Variants in EXPH5 observed in about 807,000 individuals in gnomAD.
EXPH5 encodes exophilin-5.
Under a neutral mutation model 41.1 loss-of-function variants are expected in EXPH5, and 42 were observed. That is an observed-to-expected ratio of 1.02 (90% CI 0.80 to 1.32). The LOEUF (loss-of-function observed/expected upper bound fraction) is 1.32. Ranked by LOEUF, EXPH5 falls within the 40% of genes most tolerant of loss-of-function variation. EXPH5 has a pLI of 0.00. For missense variants in EXPH5, 2,298 were observed against 2,314.5 expected (o/e 0.99, Z 0.15); for synonymous variants, 798 against 833.5 (o/e 0.96, Z 0.73).
intron 1 of EXPH5, chr11:108,568,011 A>G (rs2094042044): frequency 6.6e-6 from 1 of 152,208 alleles, no homozygotes; most frequent in African/African-American, 2.4e-5. Flanking sequence ...ACAGTGCCCT[A>G]TCCTGGTGGG....
At chr11:108,530,878 A>T (rs2093833329) in intron 3 of EXPH5, among the ~76,000 whole-genome samples, 1 of 152,176 alleles carries the variant, frequency 6.6e-6, no homozygotes, top group South Asian at 2.1e-4. Flanking sequence ...ACTTGGGTAG[A>T]AGAGTATAGG....
intron 1 of EXPH5, among the ~76,000 whole-genome samples, chr11:108,544,319 A>T (rs1049066001): frequency 1.3e-5 from 2 of 152,114 alleles, no homozygotes; most frequent in Non-Finnish European, 2.9e-5. Context: ...CCTCCCCAGT[A>T]GCTGGGACCA....
intron 3 of EXPH5, chr11:108,538,339 C>G: frequency 1.5e-6 from 1 of 666,374 alleles, no homozygotes; most frequent in Non-Finnish European, 1.9e-6. Context: ...CTCAATTGCA[C>G]TTAAGCATAG....
chr11:108,531,516 C>A (rs148674583), intron 3 of EXPH5, among the ~76,000 whole-genome samples: 1 of 152,164 alleles, frequency 6.6e-6, no homozygotes, highest in East Asian at 1.9e-4. Flanking sequence ...AATCCAGAAC[C>A]CTTTAAGTCT....
rs2093658739 is a variant in EXPH5, at chr11:108,508,897, C to T, written c.*640G>A. The T allele has an allele frequency of 6.6e-6, 1 of 152,154 alleles. No homozygotes were observed. Among genetic ancestry groups the T allele is most frequent in the African/African-American group, 2.4e-5 (1 of 41,410 alleles). The allele number at this position is 152,154 out of a possible 1,614,324, so 9.4% of individuals were successfully genotyped here. ...CTTTGACCATGTGCCTCCCAGGCTC[C>T]ACTACGGATATAACAGGAAGTACTT... On this transcript the variant is annotated 3_prime_UTR_variant, in exon 6 of 6. Transcript: ENST00000265843.
Position 108,514,411 on chromosome 11 carries a change from T to G in EXPH5, c.1096A>C (p.Thr366Pro), listed in dbSNP as rs1466175288. 1 of 1,613,968 alleles carries G rather than the reference T, an allele frequency of 6.2e-7. No individual in the cohort carries two copies. The highest frequency in any genetic ancestry group is 8.5e-7 in the Non-Finnish European group (1 of 1,180,018). The change falls in exon 6 of 6, where the codon ACT becomes CCT. Residue 366 changes from threonine (T) to proline (P), a missense_variant. Physicochemically the swap from Thr to Pro is conservative, Grantham distance 38 (BLOSUM62 -1). Transcript: ENST00000265843. ...PPRHQQSPKRTPLSSIIWNRS... is the reference protein window; with the variant it reads ...PPRHQQSPKRPPLSSIIWNRS... The stretch of plus-strand genomic sequence containing the variant: ...TTCCATATGATGGATGATAAAGGAG[T>G]TCTCTTTGGACTCTGCTGGTGCCTT...
chr11:108,510,075 T>G lies in EXPH5; in HGVS notation c.5432A>C (p.His1811Pro). 6.2e-7 allele frequency: 1 copy of G among 1,612,114 alleles called. No homozygotes were observed. Among genetic ancestry groups the G allele is most frequent in the Non-Finnish European group, 8.5e-7 (1 of 1,179,318 alleles). ...NVHGDLLRKS[H>P]PPKVRERHFS... ...ATGGCGCTCCCTGACTTTTGGAGGA[T>G]GGCTTTTTCGTAGTAGATCGCCATG... Residue 1811 changes from histidine to proline, a missense_variant, in exon 6 of 6, where the codon CAT becomes CCT. Coordinates refer to ENST00000265843, the MANE Select transcript of EXPH5 (RefSeq NM_015065.3).
intron 1 of EXPH5, among the ~76,000 whole-genome samples, chr11:108,583,452 G>A (rs2094104517): frequency 6.6e-6 from 1 of 151,924 alleles, no homozygotes; most frequent in Admixed American, 6.6e-5. Flanking sequence ...AGAAGTTGAT[G>A]CAGAAAAAGC....
chr11:108,582,476 A>G (rs1387171535), intron 1 of EXPH5, among the ~76,000 whole-genome samples: 4 of 152,148 alleles, frequency 2.6e-5, no homozygotes, highest in Admixed American at 2.0e-4. Flanking sequence ...AAAGAAAAAA[A>G]AAAAAGGATA....
chr11:108,571,593 CT>C (rs2094060317), intron 1 of EXPH5, among the ~76,000 whole-genome samples: 1 of 152,134 alleles, frequency 6.6e-6, no homozygotes, highest in Admixed American at 6.5e-5. Flanking sequence ...CACTTGGCCC[CT>C]GGTAATGCTG....
At chr11:108,549,153 C>A (rs1189347060) in intron 1 of EXPH5, among the ~76,000 whole-genome samples, 1 of 152,172 alleles carries the variant, frequency 6.6e-6, no homozygotes, top group African/African-American at 2.4e-5. Context: ...CTTAATTAGT[C>A]CAGCTTGACT....
chr11:108,593,204 G>A (rs1215147524), intron 1 of EXPH5, among the ~76,000 whole-genome samples: 1 of 151,996 alleles, frequency 6.6e-6, no homozygotes, highest in East Asian at 1.9e-4. Flanking sequence ...GAGCCCGTCT[G>A]GTATGTGGTG....
intron 4 of EXPH5, 50 bp from the exon 5 acceptor site, chr11:108,518,423 A>G (rs1221594855): frequency 6.3e-7 from 1 of 1,577,948 alleles, no homozygotes; most frequent in Non-Finnish European, 8.7e-7. Flanking sequence ...TTCACCAGTC[A>G]AAATACTCAC....
Position 108,513,483 on chromosome 11 carries a change from G to T in EXPH5, c.2024C>A (p.Thr675Asn). Residue 675 changes from threonine to asparagine, a missense_variant, in exon 6 of 6, where the codon ACC becomes AAC. Thr to Asn is a moderately conservative substitution (Grantham distance 65, BLOSUM62 0). Transcript: ENST00000265843. ...CAGAGAGTCAACTGAATTGCTGCTG[G>T]TCACAGTGACTTCTGTATGGCTTCT... ...PMRSHTEVTV[T>N]SSNSVDSLPL... 1 of 1,613,912 alleles carries T rather than the reference G, an allele frequency of 6.2e-7. No homozygotes were observed. The highest frequency in any genetic ancestry group is 1.1e-5 in the South Asian group (1 of 91,024).
intron 5 of EXPH5, among the ~76,000 whole-genome samples, chr11:108,515,996 C>A (rs909613870): frequency 7.0e-6 from 1 of 143,472 alleles, no homozygotes; most frequent in Non-Finnish European, 1.5e-5. Context: ...GGCGTGAACC[C>A]GGGAGGCAGA....
intron 4 of EXPH5, among the ~76,000 whole-genome samples, chr11:108,523,240 C>A (rs1209822592): frequency 6.6e-6 from 1 of 152,108 alleles, no homozygotes. Flanking sequence ...AATATCCTCT[C>A]TTACTGAATC....
intron 1 of EXPH5, among the ~76,000 whole-genome samples, chr11:108,555,897 C>G (rs1486472287): frequency 1.3e-5 from 2 of 152,150 alleles, no homozygotes; most frequent in Non-Finnish European, 2.9e-5. Context: ...TTATAAATTA[C>G]CCAGTCTCAG....
intron 4 of EXPH5, among the ~76,000 whole-genome samples, chr11:108,522,392 A>C (rs1473341553): frequency 6.6e-6 from 1 of 152,174 alleles, no homozygotes; most frequent in Non-Finnish European, 1.5e-5. Flanking sequence ...ACTTTAGTTC[A>C]TTTAGTTTTA....
At chr11:108,519,470 C>T (rs897646848) in intron 4 of EXPH5, among the ~76,000 whole-genome samples, 6 of 152,156 alleles carry the variant, frequency 3.9e-5, no homozygotes, top group African/African-American at 7.2e-5. Context: ...AACTTGGCCG[C>T]GTGCAGTGGC....
Sources: gnomAD v4.1 joint callset for allele counts (sites outside exome capture counted in the v4.1 genomes callset) on GRCh38, gnomAD v4.1.1 for gene constraint, MANE v1.5 for transcripts, NCBI Gene and HGNC (gene_info 2026-07-23, HGNC 2026-07-21) for gene names.